The following SLC7A3 variants were observed in gnomAD, a reference collection of about 807,000 sequenced individuals.
SLC7A3 encodes the protein solute carrier family 7 member 3, also known as cationic amino acid transporter 3.
Under a neutral mutation model 33.2 loss-of-function variants are expected in SLC7A3, and 3 were observed. The observed-to-expected ratio is 0.09, with a 90% confidence interval of 0.04 to 0.23. The LOEUF (loss-of-function observed/expected upper bound fraction) is 0.23. Among genes scored for constraint, SLC7A3 ranks in the 10% least tolerant of loss-of-function variants. SLC7A3 has a pLI of 1.00. For missense variants in SLC7A3, 360 were observed against 488.8 expected (o/e 0.74, Z 2.48); for synonymous variants, 193 against 195.1 (o/e 0.99, Z 0.09).
At chrX:70,930,070 A>C in intron 1 of SLC7A3, 48 bp from the exon 2 acceptor site, 2 of 1,112,621 alleles carry the variant, frequency 1.8e-6, no homozygotes, top group Non-Finnish European at 2.4e-6. Flanking sequence ...CATTATCCCT[A>C]AACTCTGAAA....
chrX:70,928,741 C>G (rs1184162095), intron 3 of SLC7A3, 103 bp downstream of exon 3: 24 of 1,125,471 alleles, frequency 2.1e-5, no homozygotes, highest in Admixed American at 5.3e-5. Flanking sequence ...ATTATCACCT[C>G]CCTTAAGCCT....
intron 8 of SLC7A3, 94 bp downstream of exon 8, chrX:70,927,188 T>C (rs2091898913): frequency 9.3e-7 from 1 of 1,074,444 alleles, no homozygotes; most frequent in Non-Finnish European, 1.3e-6. Flanking sequence ...AAAGTTGGAA[T>C]AATGAAGGCG....
In SLC7A3 at chrX:70,927,861, T is replaced by C. The variant is rs1264730923; in HGVS notation, c.980A>G (p.Tyr327Cys). 12 of 1,199,027 alleles carry C rather than the reference T, an allele frequency of 1.0e-5. No individual in the cohort carries two copies. Among genetic ancestry groups the C allele is most frequent in the Non-Finnish European group, 1.3e-5 (12 of 889,532 alleles). ...ATAGCGGGCAGGAGCCCATCCAATG[T>C]AGAGAAATGCCTCAGGCAAAGGGCT... The part of the protein sequence containing the change: ...PESPLPEAFL[Y>C]IGWAPARYVV... Residue 327 changes from tyrosine (Y) to cysteine (C), a missense_variant, in exon 6 of 12, where the codon TAC becomes TGC. Coordinates refer to ENST00000374299, the MANE Select transcript of SLC7A3 (RefSeq NM_032803.6).
Position 70,926,587 on chromosome X carries a change from AATG to A in SLC7A3, c.1557_1559del (p.Ile521del). ...TCCAGATGACCACAATGATCCCAAT[AATG>A]AGCAGCAGGAGCAGCACAACCACTG... On this transcript the variant is annotated inframe_deletion, in exon 10 of 12. Transcript: ENST00000374299. 8.3e-7 allele frequency: 1 copy of A among 1,199,143 alleles called. No individual in the cohort carries two copies. The highest frequency in any genetic ancestry group is 3.0e-5 in the East Asian group (1 of 33,586).
In SLC7A3 at chrX:70,929,766, C is replaced by G; in HGVS notation, c.232G>C (p.Val78Leu). Reference sequence around the variant, plus strand: ...TCCGCATAGCACAGCCCAGCCAACACAGAAGACAGGGCAGCCACCAAAAAG... The same window carrying G: ...TCCGCATAGCACAGCCCAGCCAACAGAGAAGACAGGGCAGCCACCAAAAAG... ...ICFLVAALSSVLAGLCYAEFG... is the reference protein window; with the variant it reads ...ICFLVAALSSLLAGLCYAEFG... The change falls in exon 2 of 12, where the codon GTG becomes CTG. Residue 78 changes from valine (V) to leucine (L), a missense_variant. Coordinates refer to ENST00000374299, the MANE Select transcript of SLC7A3 (RefSeq NM_032803.6). 1.7e-6 allele frequency: 2 copies of G among 1,211,102 alleles called. No homozygotes were observed. The highest frequency in any genetic ancestry group is 2.2e-6 in the Non-Finnish European group (2 of 895,163).
chrX:70,928,731 A>T, intron 3 of SLC7A3, 98 bp from the exon 4 acceptor site: 3 of 1,111,458 alleles, frequency 2.7e-6, no homozygotes, highest in South Asian at 4.3e-5. Context: ...CTTCCCCACC[A>T]TTATCACCTC....
At position 70,929,981 on chromosome X, in the gene SLC7A3, A is replaced by C. The variant is rs2091907289; in HGVS notation, c.17T>G (p.Phe6Cys). The part of the protein sequence containing the change: MPWQA[F>C]RRFGQKLVRR... ...TACCAGCTTTTGACCAAATCTGCGA[A>C]ATGCTTGCCACGGCATCCTAGCAGG... is the stretch of plus-strand genomic sequence containing the variant. Residue 6 changes from phenylalanine (F) to cysteine (C), a missense_variant, in exon 2 of 12, where the codon TTT becomes TGT. Physicochemically the swap from Phe to Cys is radical, Grantham distance 205 (BLOSUM62 -2). Transcript: ENST00000374299. 1 of 1,199,832 alleles carries C rather than the reference A, an allele frequency of 8.3e-7. No individual in the cohort carries two copies. Among genetic ancestry groups the C allele is most frequent in the African/African-American group, 1.7e-5 (1 of 57,547 alleles).
chrX:70,928,820 A>G (rs745718235), intron 3 of SLC7A3, 24 bp downstream of exon 3: 2 of 1,188,199 alleles, frequency 1.7e-6, no homozygotes, highest in South Asian at 3.6e-5. Context: ...AACCCCCACC[A>G]TTATACCCTG....
In SLC7A3 at chrX:70,928,227, C is replaced by T. The variant is rs189791969; in HGVS notation, c.738G>A (p.Val246=). 1.7e-6 allele frequency: 2 copies of T among 1,209,653 alleles called. No homozygotes were observed. The highest frequency in any genetic ancestry group is 3.0e-5 in the East Asian group (1 of 33,745). Residue 246 remains valine (V), a synonymous_variant, in exon 5 of 12, where the codon GTG becomes GTA. Coordinates refer to ENST00000374299, the MANE Select transcript of SLC7A3 (RefSeq NM_032803.6). ...GGAGAATTCCCTCGAAGCCGAAAGGCACAAATCCTCCAGAGCCCAGAGGAC... is the reference window on the plus strand; with the variant it reads ...GGAGAATTCCCTCGAAGCCGAAAGGTACAAATCCTCCAGAGCCCAGAGGAC... The part of the protein sequence containing the change: ...SLGPLGSGGF[V]PFGFEGILRG...
chrX:70,928,905 C>A lies in SLC7A3; in HGVS notation c.468G>T (p.Val156=). 1 of 1,211,407 alleles carries A rather than the reference C, an allele frequency of 8.3e-7. No homozygotes were observed. Among genetic ancestry groups the A allele is most frequent in the Admixed American group, 2.2e-5 (1 of 45,971 alleles). The change falls in exon 3 of 12, where the codon GTG becomes GTT. Residue 156 remains valine, a synonymous_variant. Transcript: ENST00000374299. ...CTGGATATTCTGCAAGGACATGGGG[C>A]ACGTGCAGTGCAATGGACCCCTGCA... ...KTLQGSIALH[V]PHVLAEYPDF...
In SLC7A3 at chrX:70,928,439, A is replaced by C. The variant is rs2091902244; in HGVS notation, c.707+17T>G. 1 of 1,190,704 alleles carries C rather than the reference A, an allele frequency of 8.4e-7. No individual in the cohort carries two copies. Among genetic ancestry groups the C allele is most frequent in the Admixed American group, 2.3e-5 (1 of 43,353 alleles). On this transcript the variant is annotated intron_variant, in intron 4 of 11. Transcript: ENST00000374299. ...TCATTTTCCCAGCTCTGCAGCTCCT[A>C]AGAGTGACCATCTAACCTATAGGTG...
In SLC7A3 at chrX:70,926,057, A is replaced by C. The variant is rs188326928; in HGVS notation, c.1729+13T>G. On this transcript the variant is annotated intron_variant, in intron 11 of 11. Coordinates refer to ENST00000374299, the MANE Select transcript of SLC7A3 (RefSeq NM_032803.6). The stretch of plus-strand genomic sequence containing the variant: ...ACACCAAAGAAGCCTACTCTTCCCA[A>C]GTGGATACCTACCAATCAGCATCCA... The C allele has an allele frequency of 2.5e-6, 3 of 1,207,541 alleles. No homozygotes were observed. The highest frequency in any genetic ancestry group is 3.4e-6 in the Non-Finnish European group (3 of 891,801).
chrX:70,928,663 G>A (rs754377699), intron 3 of SLC7A3, 30 bp from the exon 4 acceptor site: 9 of 1,171,150 alleles, frequency 7.7e-6, no homozygotes, highest in Non-Finnish European at 9.2e-6. Context: ...AGGACTCCCA[G>A]AAAGTCTTCA....
At position 70,928,589 on chromosome X, in the gene SLC7A3, C is replaced by G. The variant is rs2091902909; in HGVS notation, c.574G>C (p.Val192Leu). ...ACCAAAAGGTTCACGCCTGTGAACA[C>G]TTTGGTAACCAGGGCCGACTCACTA... ...GASESALVTK[V>L]FTGVNLLVLG... Residue 192 changes from valine to leucine, a missense_variant, in exon 4 of 12, where the codon GTG (valine) becomes CTG (leucine). Coordinates refer to ENST00000374299, the MANE Select transcript of SLC7A3 (RefSeq NM_032803.6). The G allele has an allele frequency of 8.3e-7, 1 of 1,204,871 alleles. No homozygotes were observed. The highest frequency in any genetic ancestry group is 1.8e-5 in the African/African-American group (1 of 56,916).
chrX:70,929,109 G>T, intron 2 of SLC7A3, 107 bp from the exon 3 acceptor site: 1 of 841,591 alleles, frequency 1.2e-6, no homozygotes, highest in South Asian at 2.5e-5. Context: ...GTTTTGTTTT[G>T]AGACCAAGTC....
chrX:70,929,357 T>G (rs1465680457), intron 2 of SLC7A3, among the ~76,000 whole-genome samples: 1 of 111,828 alleles, frequency 8.9e-6, no homozygotes, highest in East Asian at 2.8e-4. Context: ...TCCCAAAGTG[T>G]TGGGATTATA....
At chrX:70,929,270 T>C (rs1162316693) in intron 2 of SLC7A3, among the ~76,000 whole-genome samples, 1 of 111,641 alleles carries the variant, frequency 9.0e-6, no homozygotes. Context: ...TTTGTATTTT[T>C]AGTAGAGACA....
At position 70,927,088 on chromosome X, in the gene SLC7A3, T is replaced by A. The variant is rs759788462; in HGVS notation, c.1287-47A>T. ...AGTATTAAGAACAACCTTTACTCAC[T>A]TTATCATCTTCTCCCAGGCAGCTTA... is the stretch of plus-strand genomic sequence containing the variant. On this transcript the variant is annotated intron_variant, in intron 8 of 11. Transcript: ENST00000374299. The A allele has an allele frequency of 3.4e-6, 4 of 1,168,094 alleles. No homozygotes were observed. In the Admixed American group the frequency reaches 7.2e-5, roughly 21 times the overall value.
intron 2 of SLC7A3, 43 bp from the exon 3 acceptor site, chrX:70,929,045 T>TC: frequency 8.5e-7 from 1 of 1,172,664 alleles, no homozygotes; most frequent in Non-Finnish European, 1.2e-6. Flanking sequence ...GTTCCCTTCT[T>TC]CCCAGACCCC....
Sources: allele counts gnomAD v4.1 joint callset (sites outside exome capture counted in the v4.1 genomes callset), GRCh38; gene constraint gnomAD v4.1.1; transcripts MANE v1.5; gene names NCBI Gene and HGNC (gene_info 2026-07-23, HGNC 2026-07-21).